The following TRPV3 variants were observed in gnomAD, a reference collection of about 807,000 sequenced individuals.
The protein encoded by TRPV3 is VRL-3.
TRPV3 carries 88 observed loss-of-function variants against 87.1 expected under a neutral mutation model. The observed-to-expected ratio is 1.01, with a 90% CI of 0.85 to 1.21. The LOEUF (loss-of-function observed/expected upper bound fraction) is 1.21, where lower values mean the gene tolerates loss of function less well. TRPV3 is among the 50% of genes most tolerant of loss of function. The pLI is 0.00. For missense variants in TRPV3, 1,054 were observed against 1,030.1 expected, an observed-to-expected ratio of 1.02 and a Z score of -0.32; for synonymous variants, 438 against 423.3, an observed-to-expected ratio of 1.03 and a Z score of -0.43.
intron 16 of TRPV3, among the ~76,000 whole-genome samples, chr17:3,514,907 G>A (rs996122725): frequency 6.6e-6 from 1 of 152,104 alleles, no homozygotes; most frequent in Non-Finnish European, 1.5e-5. Flanking sequence ...TAGGGAACTC[G>A]GAAATCCTGC....
chr17:3,531,017 C>T (rs566080012), intron 8 of TRPV3, among the ~76,000 whole-genome samples: 1 of 151,742 alleles, frequency 6.6e-6, no homozygotes, highest in South Asian at 2.1e-4. Flanking sequence ...GATTGCGCCA[C>T]TGCACTCCAG....
rs374017882 is a variant in TRPV3 at position 3,528,832 on chromosome 17, C to T, written c.1401+5G>A. The stretch of plus-strand genomic sequence containing the variant: ...CCATTTTCCCCCTCCAAGGGGCCCA[C>T]GTACCTCCTCCTCCCGGGGGCGGTA... On this transcript the variant is annotated splice_donor_5th_base_variant and intron_variant, in intron 10 of 17. Transcript: ENST00000576742. The surrounding 1 kb of genome is among the most constrained non-coding windows in gnomAD (Gnocchi z 4.2). The T allele has an allele frequency of 2.0e-5, 33 of 1,613,980 alleles. No homozygotes were observed. Among genetic ancestry groups the T allele is most frequent in the Non-Finnish European group, 2.3e-5 (27 of 1,179,992 alleles).
At chr17:3,516,807 G>C (rs2074187575) in intron 15 of TRPV3, among the ~76,000 whole-genome samples, 1 of 152,168 alleles carries the variant, frequency 6.6e-6, no homozygotes, top group Non-Finnish European at 1.5e-5. Context: ...TCAGGAGTTT[G>C]AGACCAGCCT....
intron 8 of TRPV3, among the ~76,000 whole-genome samples, chr17:3,531,343 A>T (rs977033115): frequency 6.6e-6 from 1 of 152,182 alleles, no homozygotes; most frequent in Non-Finnish European, 1.5e-5. Flanking sequence ...TGGCCTCACA[A>T]GACCCACTGG....
intron 16 of TRPV3, among the ~76,000 whole-genome samples, chr17:3,515,106 C>T (rs6502729): frequency 0.2 from 29,926 of 152,062 alleles, 3,110 homozygotes; most frequent in East Asian, 0.31. Context: ...AGTGCCCCAA[C>T]AAGAGTGGGT....
intron 13 of TRPV3, among the ~76,000 whole-genome samples, chr17:3,522,849 T>C: frequency 6.6e-6 from 1 of 151,854 alleles, no homozygotes; most frequent in East Asian, 1.9e-4. Context: ...CAAAAATTAT[T>C]CTAAGACTCA....
chr17:3,518,571 C>A lies in TRPV3; in HGVS notation c.2085+5G>T, dbSNP rs980769497. The A allele has an allele frequency of 1.9e-6, 3 of 1,550,358 alleles. No homozygotes were observed. Among genetic ancestry groups the A allele is most frequent in the Middle Eastern group, 1.7e-4 (1 of 5,838 alleles). The stretch of plus-strand genomic sequence containing the variant: ...CCCCACGCTGGGGTCTCCACCTAGG[C>A]TCACCTGCAGGCGCCAGATGCGTTC... On this transcript the variant is annotated splice_donor_5th_base_variant and intron_variant, in intron 15 of 17. Coordinates refer to ENST00000576742, the MANE Select transcript of TRPV3 (RefSeq NM_145068.4). The surrounding 1 kb of genome is among the most constrained non-coding windows in gnomAD (Gnocchi z 4.3).
intron 14 of TRPV3, among the ~76,000 whole-genome samples, chr17:3,519,813 G>A (rs964522077): frequency 6.8e-5 from 10 of 147,546 alleles, no homozygotes; most frequent in East Asian, 6.4e-4. Context: ...CCGATTGATC[G>A]ATGGATGGAT....
At chr17:3,545,109 C>A (rs964310833) in intron 3 of TRPV3, 58 bp downstream of exon 3, 12 of 1,295,508 alleles carry the variant, frequency 9.3e-6, no homozygotes, top group Non-Finnish European at 1.3e-5. Context: ...TCACTGGCCA[C>A]ATGCTGGAGC....
At chr17:3,517,638 A>AG (rs2074195036) in intron 15 of TRPV3, among the ~76,000 whole-genome samples, 1 of 150,958 alleles carries the variant, frequency 6.6e-6, no homozygotes, top group South Asian at 2.1e-4. Context: ...AAAAAAAAAA[A>AG]AAAGGAGGGC....
Position 3,528,853 on chromosome 17 carries a change from C to T in TRPV3, c.1385G>A (p.Arg462His), listed in dbSNP as rs1394145267. Residue 462 changes from arginine to histidine, a missense_variant, in exon 10 of 18, where the codon CGC becomes CAC. Transcript: ENST00000576742. This position sits in a 1 kb window ranked among gnomAD's most constrained non-coding sequence, Gnocchi z 4.2. Reference protein sequence around the residue: ...NITLTLVSYYRPREEEAIPHP... With the variant: ...NITLTLVSYYHPREEEAIPHP... ...CCCACGTACCTCCTCCTCCCGGGGG[C>T]GGTAGTACGAGACGAGGGTCAGGGT... The T allele has an allele frequency of 3.7e-6, 6 of 1,614,170 alleles. No individual in the cohort carries two copies. The highest frequency in any genetic ancestry group is 3.3e-5 in the South Asian group (3 of 91,078).
chr17:3,535,734 C>A (rs1402062166), intron 6 of TRPV3, 21 bp from the exon 7 acceptor site: 1 of 1,462,224 alleles, frequency 6.8e-7, no homozygotes, highest in South Asian at 1.4e-5. Context: ...GGCGGGGACG[C>A]GCGGGAGCCT....
At chr17:3,514,508 A>G in intron 17 of TRPV3, 85 bp downstream of exon 17, 1 of 931,022 alleles carries the variant, frequency 1.1e-6, no homozygotes, top group Non-Finnish European at 1.7e-6. Flanking sequence ...CAGATGGGGA[A>G]AGTCAGGACC....
At position 3,533,328 on chromosome 17, in the gene TRPV3, C is replaced by T. The variant is rs543590967; in HGVS notation, c.785-391G>A. Among the ~76,000 whole-genome samples, 153 of 152,292 alleles carry T rather than the reference C, an allele frequency of 1.0e-3. 1 individual carries two copies. The highest frequency in any genetic ancestry group is 3.5e-3 in the African/African-American group (145 of 41,552). ...CTCCAACACGCCGCCTGGGGGCCTT[C>T]GCTCGGCTGTCCCCTCTGCCTGTAG... On this transcript the variant is annotated intron_variant, in intron 7 of 17. Coordinates refer to ENST00000576742, the MANE Select transcript of TRPV3 (RefSeq NM_145068.4).
At position 3,528,064 on chromosome 17, in the gene TRPV3, C is replaced by G. The variant is rs149487110; in HGVS notation, c.1464G>C (p.Met488Ile). The G allele has an allele frequency of 2.5e-6, 4 of 1,613,668 alleles. No individual in the cohort carries two copies. The African/African-American group carries it at 5.3e-5, about 22-fold the overall frequency. ...KMGWLQLLGR[M>I]FVLIWAMCIS... ...TGCACATGGCCCAGATGAGCACAAACATCCTCCCTAGGAGCTGCAGCCACC... is the reference window on the plus strand; with the variant it reads ...TGCACATGGCCCAGATGAGCACAAAGATCCTCCCTAGGAGCTGCAGCCACC... The change falls in exon 11 of 18, where the codon ATG (methionine) becomes ATC (isoleucine). Residue 488 changes from methionine to isoleucine, a missense_variant. Physicochemically the swap from Met to Ile is conservative, Grantham distance 10. Transcript: ENST00000576742. The surrounding 1 kb of genome is among the most constrained non-coding windows in gnomAD (Gnocchi z 4.2).
intron 4 of TRPV3, 115 bp from the exon 5 acceptor site, chr17:3,543,743 C>T: frequency 1.4e-6 from 2 of 1,403,646 alleles, no homozygotes; most frequent in East Asian, 4.6e-5. Flanking sequence ...ATCTCCCATG[C>T]CTGTCACAAT....
Position 3,557,171 on chromosome 17 carries a change from C to T in TRPV3, c.-3+505G>A, listed in dbSNP as rs1229026234. Among the ~76,000 whole-genome samples the T allele has an allele frequency of 6.6e-6, 1 of 152,148 alleles. No individual in the cohort carries two copies. Among genetic ancestry groups the T allele is most frequent in the African/African-American group, 2.4e-5 (1 of 41,440 alleles). ...TGTTGCCCTGGCCCTCCCTCTCTCT[C>T]CCAATCCCTGACACTGATTGAAATG... On this transcript the variant is annotated intron_variant, in intron 1 of 17. Transcript: ENST00000576742. This position sits in a 1 kb window ranked among gnomAD's most constrained non-coding sequence, Gnocchi z 4.5.
At chr17:3,534,505 G>T (rs1359373338) in intron 7 of TRPV3, among the ~76,000 whole-genome samples, 1 of 152,210 alleles carries the variant, frequency 6.6e-6, no homozygotes. Context: ...GTTACACAGA[G>T]AAATTTTTGT....
chr17:3,534,482 C>T (rs982658832), intron 7 of TRPV3, among the ~76,000 whole-genome samples: 9 of 152,090 alleles, frequency 5.9e-5, no homozygotes, highest in African/African-American at 2.2e-4. Context: ...GGAGGGGTCT[C>T]CTCTGCAACA....
Sources: allele counts gnomAD v4.1 joint callset (sites outside exome capture counted in the v4.1 genomes callset), GRCh38; gene constraint gnomAD v4.1.1; non-coding constraint Gnocchi (gnomAD v3.1); transcripts MANE v1.5; gene names NCBI Gene and HGNC (gene_info 2026-07-23, HGNC 2026-07-21).